The following CDK7 variants were observed in gnomAD, a reference collection of about 807,000 sequenced individuals.
CDK7 encodes the protein cyclin-dependent kinase 7.
CDK7 carries 25 observed loss-of-function variants against 49.1 expected under a neutral mutation model. The ratio of observed to expected loss-of-function variants is 0.51; its 90% CI spans 0.37 to 0.71. CDK7 has a LOEUF of 0.71. Among genes scored for constraint, CDK7 ranks in the 30% least tolerant of loss-of-function variants. The pLI is 0.00. For missense variants in CDK7, 316 were observed against 411.7 expected, an observed-to-expected ratio of 0.77 and a Z score of 2.01; for synonymous variants, 107 against 140.0, an observed-to-expected ratio of 0.76 and a Z score of 1.67.
intron 2 of CDK7, among the ~76,000 whole-genome samples, chr5:69,244,981 G>A (rs1749641251): frequency 1.3e-5 from 2 of 152,106 alleles, no homozygotes; most frequent in African/African-American, 2.4e-5. Context: ...TACATATCAC[G>A]TTGATTGATT....
chr5:69,261,722 G>T (rs984220716), intron 7 of CDK7, among the ~76,000 whole-genome samples: 19 of 152,058 alleles, frequency 1.2e-4, no homozygotes, highest in African/African-American at 4.6e-4. Flanking sequence ...AGTAGAGACG[G>T]GTTTCACTAT....
intron 8 of CDK7, among the ~76,000 whole-genome samples, chr5:69,265,040 G>A (rs553416989): frequency 1.1e-4 from 17 of 152,038 alleles, no homozygotes; most frequent in African/African-American, 4.1e-4. Flanking sequence ...GAGGCAGGCA[G>A]ATCACGAGGT....
intron 2 of CDK7, among the ~76,000 whole-genome samples, chr5:69,238,957 T>A (rs2150181294): frequency 6.6e-6 from 1 of 152,300 alleles, no homozygotes; most frequent in African/African-American, 2.4e-5. Context: ...GATTATTAGA[T>A]TCCATTATAT....
At chr5:69,261,526 A>ATGTG (rs35466335) in intron 7 of CDK7, among the ~76,000 whole-genome samples, 1 of 118,134 alleles carries the variant, frequency 8.5e-6, no homozygotes, top group East Asian at 2.5e-4. Flanking sequence ...GTGTGTGTGT[A>ATGTG]TGTGTGTGTG....
At chr5:69,251,336 G>A (rs996951168) in intron 2 of CDK7, among the ~76,000 whole-genome samples, 4 of 152,014 alleles carry the variant, frequency 2.6e-5, no homozygotes, top group African/African-American at 9.7e-5. Flanking sequence ...CTGACCTCGT[G>A]ATCCACCTGC....
chr5:69,269,970 G>T (rs188528365), intron 9 of CDK7, among the ~76,000 whole-genome samples: 15 of 148,904 alleles, frequency 1.0e-4, no homozygotes, highest in Non-Finnish European at 1.9e-4. Context: ...GATGGCTCAC[G>T]CCTGTAATCC....
chr5:69,250,184 A>G (rs1038917669), intron 2 of CDK7, among the ~76,000 whole-genome samples: 2 of 152,228 alleles, frequency 1.3e-5, no homozygotes, highest in African/African-American at 4.8e-5. Context: ...TATAGTCTTC[A>G]CAGTCTGGAC....
chr5:69,254,815 T>C, intron 4 of CDK7, 146 bp downstream of exon 4: 1 of 578,778 alleles, frequency 1.7e-6, no homozygotes, highest in Non-Finnish European at 3.1e-6. Flanking sequence ...CCCAGTTGTT[T>C]TGGTAGGCAT....
At chr5:69,265,472 A>G (rs1751092715) in intron 8 of CDK7, among the ~76,000 whole-genome samples, 1 of 152,240 alleles carries the variant, frequency 6.6e-6, no homozygotes, top group Admixed American at 6.5e-5. Flanking sequence ...TATTAGGGAA[A>G]AAGAATGGCA....
chr5:69,262,321 G>A lies in CDK7; in HGVS notation c.627+17G>A, dbSNP rs769334476. On this transcript the variant is annotated intron_variant, in intron 8 of 11. Transcript: ENST00000256443. Reference sequence around the variant, plus strand: ...CTTCTAAGGGTAAGTCTAAATTAATGTACGCACTTTAATATTGTTGTTGCA... The same window carrying A: ...CTTCTAAGGGTAAGTCTAAATTAATATACGCACTTTAATATTGTTGTTGCA... The A allele has an allele frequency of 6.2e-7, 1 of 1,614,058 alleles. No individual in the cohort carries two copies. Among genetic ancestry groups the A allele is most frequent in the Non-Finnish European group, 8.5e-7 (1 of 1,179,968 alleles).
intron 2 of CDK7, among the ~76,000 whole-genome samples, chr5:69,240,690 C>T (rs912622737): frequency 2.0e-5 from 3 of 152,190 alleles, no homozygotes; most frequent in Admixed American, 6.5e-5. Flanking sequence ...TGCAATGGCG[C>T]GATCTCGGCT....
intron 2 of CDK7, among the ~76,000 whole-genome samples, chr5:69,240,651 C>T (rs1423133954): frequency 1.3e-5 from 2 of 152,104 alleles, no homozygotes. Flanking sequence ...TTTTTTGAGA[C>T]GGAGTCTCCC....
chr5:69,252,489 T>C (rs1296202973), intron 3 of CDK7, 38 bp downstream of exon 3: 5 of 910,264 alleles, frequency 5.5e-6, no homozygotes, highest in South Asian at 3.4e-5. Context: ...AGGAAAAGTT[T>C]TCTCCTTTTT....
chr5:69,249,495 A>G (rs1035965870), intron 2 of CDK7, among the ~76,000 whole-genome samples: 2 of 151,770 alleles, frequency 1.3e-5, no homozygotes, highest in Non-Finnish European at 2.9e-5. Flanking sequence ...GTGAGCCGAG[A>G]TTGCACCACT....
At chr5:69,268,475 C>T (rs1751305764) in intron 8 of CDK7, among the ~76,000 whole-genome samples, 1 of 152,146 alleles carries the variant, frequency 6.6e-6, no homozygotes, top group South Asian at 2.1e-4. Context: ...ACCCAATACA[C>T]TTTGTACTAA....
chr5:69,266,925 C>T (rs951088797), intron 8 of CDK7, among the ~76,000 whole-genome samples: 7 of 151,942 alleles, frequency 4.6e-5, no homozygotes, highest in African/African-American at 1.5e-4. Flanking sequence ...GCAAAAGTTA[C>T]GTAATTATCA....
intron 2 of CDK7, among the ~76,000 whole-genome samples, chr5:69,248,119 A>T (rs1749878448): frequency 6.6e-6 from 1 of 152,040 alleles, no homozygotes; most frequent in East Asian, 1.9e-4. Context: ...TTCTTGTAGG[A>T]CAGGCCTGGT....
Position 69,276,589 on chromosome 5 carries a change from G to GA in CDK7, c.912dup (p.Cys305MetfsTer70). 6.2e-7 allele frequency: 1 copy of GA among 1,613,790 alleles called. No homozygotes were observed. The highest frequency in any genetic ancestry group is 8.5e-7 in the Non-Finnish European group (1 of 1,180,002). On this transcript the variant is annotated frameshift_variant, in exon 11 of 12. Transcript: ENST00000256443. LOFTEE classifies it high-confidence loss of function. ...AGTAATCGGCCAGGGCCAACACCTG[G>GA]ATGTCAGCTGCCAAGACCAAACTGT...
At chr5:69,263,112 A>G (rs549818568) in intron 8 of CDK7, among the ~76,000 whole-genome samples, 1 of 152,302 alleles carries the variant, frequency 6.6e-6, no homozygotes, top group East Asian at 1.9e-4. Context: ...CTTACAGTAA[A>G]AAAAATCCCC....
Sources: gnomAD v4.1 joint callset for allele counts (sites outside exome capture counted in the v4.1 genomes callset) on GRCh38, gnomAD v4.1.1 for gene constraint, MANE v1.5 for transcripts, NCBI Gene and HGNC (gene_info 2026-07-23, HGNC 2026-07-21) for gene names.